Variants in CDYL2 observed in about 807,000 individuals in gnomAD.
The protein encoded by CDYL2 is chromodomain Y like 2, also known as chromodomain Y-like protein 2.
In CDYL2, 23 loss-of-function variants were observed where a neutral mutation model predicts 49.4. That is an observed-to-expected ratio of 0.47 (90% CI 0.34 to 0.66). The LOEUF (loss-of-function observed/expected upper bound fraction) is 0.66. Ranked by LOEUF, CDYL2 falls within the 30% of genes least tolerant of loss-of-function variation. The pLI is 0.01. For missense variants in CDYL2, 678 were observed against 656.4 expected, an observed-to-expected ratio of 1.03 and a Z score of -0.36; for synonymous variants, 360 against 268.8, an observed-to-expected ratio of 1.34 and a Z score of -3.32.
chr16:80,752,322 G>T (rs952733014), intron 1 of CDYL2, among the ~76,000 whole-genome samples: 3 of 152,028 alleles, frequency 2.0e-5, no homozygotes, highest in Admixed American at 6.6e-5. Flanking sequence ...TGTCTGACTG[G>T]TGTCCTAGAA....
At chr16:80,775,268 T>C (rs373178749) in intron 1 of CDYL2, among the ~76,000 whole-genome samples, 2 of 151,842 alleles carry the variant, frequency 1.3e-5, no homozygotes, top group South Asian at 2.1e-4. Context: ...TAAATAATTG[T>C]TCATTATTTA....
intron 1 of CDYL2, among the ~76,000 whole-genome samples, chr16:80,746,027 T>C (rs1420018981): frequency 1.3e-5 from 2 of 152,174 alleles, no homozygotes; most frequent in Admixed American, 1.3e-4. Context: ...CTTGTCTCTG[T>C]ATTATCCACA....
intron 1 of CDYL2, among the ~76,000 whole-genome samples, chr16:80,803,560 G>T (rs1385356819): frequency 6.6e-6 from 1 of 151,562 alleles, no homozygotes. Context: ...GGACCCCGGG[G>T]AGCGGTTTGG....
chr16:80,672,338 C>CAG (rs1909546421), intron 2 of CDYL2, among the ~76,000 whole-genome samples: 1 of 120,836 alleles, frequency 8.3e-6, no homozygotes, highest in Non-Finnish European at 2.0e-5. Context: ...CACACACACA[C>CAG]ACACACACAC....
intron 1 of CDYL2, among the ~76,000 whole-genome samples, chr16:80,699,646 A>T (rs1904290861): frequency 6.6e-6 from 1 of 152,234 alleles, no homozygotes; most frequent in Admixed American, 6.5e-5. Flanking sequence ...GTGTATTTTC[A>T]AATAACTAGA....
chr16:80,602,162 G>A lies in CDYL2; in HGVS notation c.*2226C>T, dbSNP rs1321008751. 6.6e-6 allele frequency: 1 copy of A among 152,198 alleles called. No homozygotes were observed. Among genetic ancestry groups the A allele is most frequent in the Non-Finnish European group, 1.5e-5 (1 of 68,036 alleles). The allele number at this position is 152,198 out of a possible 1,614,324, so 9.4% of individuals were successfully genotyped here. On this transcript the variant is annotated 3_prime_UTR_variant, in exon 7 of 7. Coordinates refer to ENST00000570137, the MANE Select transcript of CDYL2 (RefSeq NM_152342.4). Reference sequence around the variant, plus strand: ...GAACCAGGGTCATCTAAGGGTTTTGGAAAGCTCACATTTGCTTTCTCAAAG... The same window carrying A: ...GAACCAGGGTCATCTAAGGGTTTTGAAAAGCTCACATTTGCTTTCTCAAAG...
chr16:80,690,467 T>A (rs1482316615), intron 1 of CDYL2, among the ~76,000 whole-genome samples: 1 of 152,190 alleles, frequency 6.6e-6, no homozygotes, highest in Non-Finnish European at 1.5e-5. Context: ...ACATTAACTC[T>A]CCAAAATAAC....
At chr16:80,647,800 C>T (rs975033313) in intron 2 of CDYL2, among the ~76,000 whole-genome samples, 1 of 152,090 alleles carries the variant, frequency 6.6e-6, no homozygotes, top group Non-Finnish European at 1.5e-5. Context: ...AGTCTTAAAA[C>T]ATTAATAAAT....
intron 1 of CDYL2, among the ~76,000 whole-genome samples, chr16:80,718,042 C>A (rs996788186): frequency 6.6e-6 from 1 of 152,124 alleles, no homozygotes; most frequent in African/African-American, 2.4e-5. Flanking sequence ...CCTGACAAAC[C>A]CAGGAGGGGC....
At chr16:80,764,516 T>A (rs1250715883) in intron 1 of CDYL2, among the ~76,000 whole-genome samples, 1 of 152,046 alleles carries the variant, frequency 6.6e-6, no homozygotes, top group Non-Finnish European at 1.5e-5. Context: ...AAAGAGACAA[T>A]CATTATCAAT....
chr16:80,687,456 A>G lies in CDYL2; in HGVS notation c.25-2327T>C, dbSNP rs536233483. Among the ~76,000 whole-genome samples the G allele has an allele frequency of 8.5e-5, 13 of 152,096 alleles. No homozygotes were observed. The South Asian group carries it at 2.7e-3, about 32-fold the overall frequency. On this transcript the variant is annotated intron_variant, in intron 1 of 6. Transcript: ENST00000570137. ...TGGATGGTGGGATGTATGGGTGACTAGATGTATAAATAAATGAATAGATGG... is the reference window on the plus strand; with the variant it reads ...TGGATGGTGGGATGTATGGGTGACTGGATGTATAAATAAATGAATAGATGG...
chr16:80,627,414 A>G (rs781517060), intron 3 of CDYL2: 3 of 152,272 alleles, frequency 2.0e-5, no homozygotes, highest in Non-Finnish European at 4.4e-5. Flanking sequence ...AAAAATAAAT[A>G]AAAGACCAAA....
rs1341424460 is a variant in CDYL2 at position 80,730,862 on chromosome 16, C to T, written c.25-45733G>A. ...AAGAAGCCAGACAAAAGGGAGCACA[C>T]ATTGTATGATCACATTTATATAAAA... On this transcript the variant is annotated intron_variant, in intron 1 of 6. Transcript: ENST00000570137. Among the ~76,000 whole-genome samples, 5 of 152,098 alleles carry T rather than the reference C, an allele frequency of 3.3e-5. No homozygotes were observed. The South Asian group carries it at 6.2e-4, about 19-fold the overall frequency.
intron 2 of CDYL2, among the ~76,000 whole-genome samples, chr16:80,680,134 A>C (rs971596916): frequency 6.6e-6 from 1 of 152,218 alleles, no homozygotes; most frequent in Non-Finnish European, 1.5e-5. Flanking sequence ...TCTAGAAGTG[A>C]AAGCTGAGAC....
chr16:80,756,200 A>T (rs1379973806), intron 1 of CDYL2, among the ~76,000 whole-genome samples: 1 of 152,142 alleles, frequency 6.6e-6, no homozygotes, highest in African/African-American at 2.4e-5. Flanking sequence ...GAAAAACAGA[A>T]ATGAAGCATT....
chr16:80,664,168 C>G (rs1909164051), intron 2 of CDYL2, among the ~76,000 whole-genome samples: 1 of 152,142 alleles, frequency 6.6e-6, no homozygotes, highest in Non-Finnish European at 1.5e-5. Flanking sequence ...ATCGTCTGGC[C>G]TCATCCTGTT....
intron 1 of CDYL2, among the ~76,000 whole-genome samples, chr16:80,761,665 T>G (rs118178095): frequency 0.01 from 1,586 of 151,158 alleles, 11 homozygotes; most frequent in South Asian, 0.027. Context: ...AGCCCCCAGG[T>G]GACTTAGATG....
intron 5 of CDYL2, among the ~76,000 whole-genome samples, chr16:80,611,339 G>A (rs1906585876): frequency 6.6e-6 from 1 of 152,152 alleles, no homozygotes; most frequent in Admixed American, 6.5e-5. Context: ...GGGACTCCCT[G>A]AGAACCTTCT....
In CDYL2 at chr16:80,600,393, C is replaced by A. The variant is rs1906029417; in HGVS notation, c.*3995G>T. Reference sequence around the variant, plus strand: ...TATATACTGTATTAAAGTCTGTAAGCATTTCAACCAAAATTTGCAGAAATA... The same window carrying A: ...TATATACTGTATTAAAGTCTGTAAGAATTTCAACCAAAATTTGCAGAAATA... On this transcript the variant is annotated 3_prime_UTR_variant, in exon 7 of 7. Transcript: ENST00000570137. The A allele has an allele frequency of 6.6e-6, 1 of 152,134 alleles. No homozygotes were observed. Among genetic ancestry groups the A allele is most frequent in the Admixed American group, 6.5e-5 (1 of 15,272 alleles). The allele number at this position is 152,134 out of a possible 1,614,324, so 9.4% of individuals were successfully genotyped here.
Sources: allele counts gnomAD v4.1 joint callset (sites outside exome capture counted in the v4.1 genomes callset), GRCh38; gene constraint gnomAD v4.1.1; transcripts MANE v1.5; gene names NCBI Gene and HGNC (gene_info 2026-07-23, HGNC 2026-07-21).